SHCBP1: variants seen among roughly 807,000 people sequenced by gnomAD.
SHCBP1 encodes SHC SH2 domain-binding protein 1.
A neutral mutation model predicts 75.1 loss-of-function variants in SHCBP1; 60 were observed. The ratio of observed to expected loss-of-function variants is 0.80; its 90% CI spans 0.65 to 0.99. SHCBP1 has a LOEUF of 0.99. Among genes scored for constraint, SHCBP1 ranks in the 50% least tolerant of loss-of-function variants. The pLI is 0.00. For missense variants in SHCBP1, 709 were observed against 809.4 expected (o/e 0.88, Z 1.50); for synonymous variants, 290 against 293.2 (o/e 0.99, Z 0.11).
chr16:46,588,855 C>T (rs952334537), intron 10 of SHCBP1, among the ~76,000 whole-genome samples: 4 of 152,106 alleles, frequency 2.6e-5, no homozygotes, highest in Admixed American at 6.5e-5. Context: ...CAAAGCCTGG[C>T]AGAGACACAA....
At position 46,579,246 on chromosome 16, in the gene SHCBP1, C is replaced by A. The variant is rs561037727; in HGVS notation, c.*2483G>T. Among the ~76,000 whole-genome samples the A allele has an allele frequency of 9.2e-5, 14 of 152,278 alleles. No individual in the cohort carries two copies. Among genetic ancestry groups the A allele is most frequent in the African/African-American group, 2.2e-4 (9 of 41,562 alleles). On this transcript the variant is annotated 3_prime_UTR_variant, in exon 13 of 13. Transcript: ENST00000303383. ...TTTCTCCACATCAGTGTTTTCATCTCAAATATCAAACCCATACCCCTCTAG... is the reference window on the plus strand; with the variant it reads ...TTTCTCCACATCAGTGTTTTCATCTAAAATATCAAACCCATACCCCTCTAG...
At position 46,603,600 on chromosome 16, in the gene SHCBP1, A is replaced by G; in HGVS notation, c.1152T>C (p.Val384=). The G allele has an allele frequency of 1.2e-6, 2 of 1,614,226 alleles. No individual in the cohort carries two copies. Among genetic ancestry groups the G allele is most frequent in the South Asian group, 2.2e-5 (2 of 91,084 alleles). Reference sequence around the variant, plus strand: ...CATGTACCACATAATGGCCAGGACAAACAATAACAGTGTCACCTTCGAAGC... The same window carrying G: ...CATGTACCACATAATGGCCAGGACAGACAATAACAGTGTCACCTTCGAAGC... ...NACFEGDTVI[V]CPGHYVVHGT... The change falls in exon 8 of 13, where the codon GTT becomes GTC. Residue 384 remains valine, a synonymous_variant. Transcript: ENST00000303383.
At chr16:46,583,803 C>CAATGGG in intron 11 of SHCBP1, 146 bp from the exon 12 acceptor site, 1 of 1,032,126 alleles carries the variant, frequency 9.7e-7, no homozygotes. Flanking sequence ...CCCTTAGTGA[C>CAATGGG]ACAGCTTTCC....
intron 5 of SHCBP1, among the ~76,000 whole-genome samples, chr16:46,607,546 G>A (rs1237411240): frequency 6.6e-6 from 1 of 151,986 alleles, no homozygotes; most frequent in Admixed American, 6.6e-5. Context: ...CTTTCACACA[G>A]GGGAAAAAAA....
At chr16:46,591,939 C>G (rs1333882155) in intron 10 of SHCBP1, among the ~76,000 whole-genome samples, 1 of 151,736 alleles carries the variant, frequency 6.6e-6, no homozygotes, top group Non-Finnish European at 1.5e-5. Flanking sequence ...TCAAAATTTA[C>G]AAAACAGCTA....
intron 4 of SHCBP1, among the ~76,000 whole-genome samples, chr16:46,609,601 G>A (rs975823814): frequency 3.3e-5 from 5 of 151,572 alleles, no homozygotes; most frequent in East Asian, 2.0e-4. Context: ...ACAGGCAACC[G>A]CCACCACGCC....
intron 10 of SHCBP1, among the ~76,000 whole-genome samples, chr16:46,585,543 A>C (rs963132914): frequency 1.3e-5 from 2 of 152,336 alleles, no homozygotes; most frequent in Non-Finnish European, 2.9e-5. Context: ...TGCTCTAACG[A>C]AAGGACTAGG....
At chr16:46,596,136 C>T (rs1965136826) in intron 9 of SHCBP1, among the ~76,000 whole-genome samples, 1 of 152,048 alleles carries the variant, frequency 6.6e-6, no homozygotes. Context: ...TAATATTAAA[C>T]AACAAATTAT....
chr16:46,613,988 C>A (rs975513849), intron 4 of SHCBP1, among the ~76,000 whole-genome samples: 1 of 152,180 alleles, frequency 6.6e-6, no homozygotes, highest in Non-Finnish European at 1.5e-5. Context: ...TATTTTTCCA[C>A]GAACTTCTAT....
chr16:46,599,678 A>AAAAAAAAAAAAAAAAAAAAAC (rs1965198604), intron 9 of SHCBP1, among the ~76,000 whole-genome samples, 153 bp downstream of exon 9: 1 of 143,040 alleles, frequency 7.0e-6, no homozygotes, highest in African/African-American at 2.6e-5. Context: ...GTAAAAAAAA[A>AAAAAAAAAAAAAAAAAAAAAC]AAAAAAAAAA....
intron 8 of SHCBP1, among the ~76,000 whole-genome samples, chr16:46,603,028 A>G: frequency 6.6e-6 from 1 of 152,236 alleles, no homozygotes; most frequent in Non-Finnish European, 1.5e-5. Context: ...TTCGGCAAGC[A>G]TTTAGAGAAT....
intron 10 of SHCBP1, among the ~76,000 whole-genome samples, chr16:46,590,817 GTA>G (rs1596672756): frequency 6.6e-6 from 1 of 152,184 alleles, no homozygotes; most frequent in East Asian, 1.9e-4. Flanking sequence ...CCATTACTGG[GTA>G]TATACCCAAA....
chr16:46,615,723 G>C (rs1965484243), intron 4 of SHCBP1, among the ~76,000 whole-genome samples: 1 of 151,876 alleles, frequency 6.6e-6, no homozygotes, highest in Admixed American at 6.6e-5. Flanking sequence ...CTGGACAACA[G>C]AGCAAGACTA....
rs1386150288 is a variant in SHCBP1 at position 46,584,056 on chromosome 16, A to G, written c.1498T>C (p.Cys500Arg). Residue 500 changes from cysteine (C) to arginine (R), a missense_variant, in exon 11 of 13, where the codon TGC becomes CGC. Transcript: ENST00000303383. ...AGIEIYPGSQ[C>R]TLSDNGIHHC... ...TGGATCCCATTGTCACTCAGGGTGC[A>G]CTGACTCCCAGGGTAGATTTCTATA... The G allele has an allele frequency of 1.2e-6, 2 of 1,604,920 alleles. No individual in the cohort carries two copies. Among genetic ancestry groups the G allele is most frequent in the Non-Finnish European group, 8.5e-7 (1 of 1,175,102 alleles).
At chr16:46,613,722 C>A (rs190717726) in intron 4 of SHCBP1, among the ~76,000 whole-genome samples, 7 of 152,318 alleles carry the variant, frequency 4.6e-5, no homozygotes, top group Non-Finnish European at 5.9e-5. Context: ...GACATCTGTG[C>A]GTGATTATTT....
chr16:46,610,009 G>A (rs1249253521), intron 4 of SHCBP1, among the ~76,000 whole-genome samples: 2 of 150,992 alleles, frequency 1.3e-5, no homozygotes, highest in South Asian at 2.1e-4. Context: ...GGAGTGCAAC[G>A]GTGCGATCTC....
chr16:46,620,187 G>A (rs1341785491), intron 1 of SHCBP1, among the ~76,000 whole-genome samples: 1 of 152,132 alleles, frequency 6.6e-6, no homozygotes, highest in Non-Finnish European at 1.5e-5. Flanking sequence ...GAACACTTAT[G>A]ATCTACTCTG....
Position 46,578,625 on chromosome 16 carries a change from TAGTG to T in SHCBP1, c.*3100_*3103del, listed in dbSNP as rs1964826867. On this transcript the variant is annotated 3_prime_UTR_variant, in exon 13 of 13. Coordinates refer to ENST00000303383, the MANE Select transcript of SHCBP1 (RefSeq NM_024745.5). ...TAAAATATATATTTTTTTCTATTAA[TAGTG>T]AGAACTAAAAAAAGAGGAGAATGTT... Among the ~76,000 whole-genome samples the T allele has an allele frequency of 6.6e-6, 1 of 152,094 alleles. No individual in the cohort carries two copies. Among genetic ancestry groups the T allele is most frequent in the Non-Finnish European group, 1.5e-5 (1 of 68,016 alleles).
intron 4 of SHCBP1, among the ~76,000 whole-genome samples, chr16:46,614,061 C>A (rs930796137): frequency 2.6e-5 from 4 of 152,162 alleles, no homozygotes; most frequent in Non-Finnish European, 5.9e-5. Flanking sequence ...ACTTTATCTT[C>A]AAATGCTTCA....
Sources: allele counts gnomAD v4.1 joint callset (sites outside exome capture counted in the v4.1 genomes callset), GRCh38; gene constraint gnomAD v4.1.1; transcripts MANE v1.5; gene names NCBI Gene and HGNC (gene_info 2026-07-23, HGNC 2026-07-21).